Variants in WIPF3 observed in about 807,000 individuals in gnomAD.
WIPF3 encodes WAS/WASL-interacting protein family member 3.
Under a neutral mutation model 38.9 loss-of-function variants are expected in WIPF3, and 33 were observed. That is an observed-to-expected ratio of 0.85 (90% CI 0.64 to 1.14). The LOEUF is 1.14. Among genes scored for constraint, WIPF3 ranks in the 50% most tolerant of loss-of-function variants. The pLI, the probability that WIPF3 is intolerant of heterozygous loss-of-function variation, is 0.00. For synonymous variants in WIPF3, 324 were observed against 269.3 expected, an observed-to-expected ratio of 1.20 and a Z score of -1.99; for missense variants, 711 against 652.5, an observed-to-expected ratio of 1.09 and a Z score of -0.98.
chr7:29,817,344 A>G (rs1784471473), intron 1 of WIPF3, among the ~76,000 whole-genome samples: 1 of 152,036 alleles, frequency 6.6e-6, no homozygotes, highest in South Asian at 2.1e-4. Flanking sequence ...GCTTTATTTA[A>G]TGTGGTTTTA....
At chr7:29,874,621 G>A (rs940725422) in intron 2 of WIPF3, among the ~76,000 whole-genome samples, 2 of 152,136 alleles carry the variant, frequency 1.3e-5, no homozygotes, top group African/African-American at 2.4e-5. Context: ...CTAAGGTCAC[G>A]TGGCTGGTAT....
chr7:29,867,035 A>C (rs1785399516), intron 2 of WIPF3, among the ~76,000 whole-genome samples: 4 of 152,252 alleles, frequency 2.6e-5, no homozygotes, highest in Admixed American at 1.3e-4. Context: ...ACATTATAGA[A>C]TTGTTCAGGG....
chr7:29,858,295 T>A (rs1183972698), intron 2 of WIPF3, among the ~76,000 whole-genome samples: 1 of 152,152 alleles, frequency 6.6e-6, no homozygotes, highest in African/African-American at 2.4e-5. Flanking sequence ...CACCCCACCC[T>A]CAACAAGGCT....
chr7:29,875,928 G>A lies in WIPF3; in HGVS notation c.189G>A (p.Thr63=), dbSNP rs1371264599. ...IQQGTRLRKV[T]QINDRSAPQI... ...AAGGAACTCGCCTGCGCAAAGTCAC[G>A]CAGATCAACGACCGCAGTGCCCCGC... Residue 63 remains threonine, a synonymous_variant, in exon 3 of 9, where the codon ACG becomes ACA. Transcript: ENST00000242140. 10 of 1,613,928 alleles carry A rather than the reference G, an allele frequency of 6.2e-6. No individual in the cohort carries two copies. The highest frequency in any genetic ancestry group is 1.3e-5 in the African/African-American group (1 of 74,950).
At chr7:29,872,849 G>T in intron 2 of WIPF3, among the ~76,000 whole-genome samples, 1 of 147,490 alleles carries the variant, frequency 6.8e-6, no homozygotes, top group African/African-American at 2.5e-5. Flanking sequence ...GACCTCTAGC[G>T]GGAGATCATC....
At chr7:29,845,297 A>G (rs904509894) in intron 2 of WIPF3, among the ~76,000 whole-genome samples, 1 of 152,206 alleles carries the variant, frequency 6.6e-6, no homozygotes, top group African/African-American at 2.4e-5. Flanking sequence ...AGTGCGGGGC[A>G]CATAGTGAGG....
rs1432816352 is a variant in WIPF3 at position 29,891,111 on chromosome 7, A to G, written c.1351+1704A>G. On this transcript the variant is annotated intron_variant, in intron 7 of 8. Coordinates refer to ENST00000242140, the MANE Select transcript of WIPF3 (RefSeq NM_001080529.3). The stretch of plus-strand genomic sequence containing the variant: ...TTCCCTGTGCTCAGGTCGGGGGAAC[A>G]CGGGCCTGCCCTGTGCTCAGGTGGA... 2.1e-4 allele frequency among the ~76,000 whole-genome samples: 16 copies of G among 77,258 alleles called. 1 individual carries two copies. The highest frequency in any genetic ancestry group is 7.8e-4 in the African/African-American group (15 of 19,144). The allele number at this position is 77,258 out of a possible 152,430, so 50.7% of individuals were successfully genotyped here.
intron 2 of WIPF3, among the ~76,000 whole-genome samples, chr7:29,858,464 C>A (rs1486181373): frequency 6.6e-6 from 1 of 152,204 alleles, no homozygotes; most frequent in Non-Finnish European, 1.5e-5. Context: ...CCTCAATCAG[C>A]AGGCCTAATT....
chr7:29,808,289 G>A (rs1198369011), intron 1 of WIPF3, among the ~76,000 whole-genome samples: 1 of 152,220 alleles, frequency 6.6e-6, no homozygotes, highest in East Asian at 1.9e-4. Flanking sequence ...AAAAGAAGTG[G>A]CGAGGAGGGG....
intron 2 of WIPF3, among the ~76,000 whole-genome samples, chr7:29,838,448 T>G (rs1048731159): frequency 2.0e-5 from 3 of 152,156 alleles, no homozygotes; most frequent in Admixed American, 6.5e-5. Context: ...AATGAAAGTA[T>G]TACTTGTAAT....
At chr7:29,890,484 T>C (rs1217826845) in intron 7 of WIPF3, among the ~76,000 whole-genome samples, 1 of 152,022 alleles carries the variant, frequency 6.6e-6, no homozygotes, top group East Asian at 1.9e-4. Flanking sequence ...GTCAAATGCG[T>C]TCCCACCCGA....
chr7:29,888,831 A>G (rs1785946708), intron 6 of WIPF3, among the ~76,000 whole-genome samples: 2 of 152,136 alleles, frequency 1.3e-5, no homozygotes, highest in Non-Finnish European at 2.9e-5. Flanking sequence ...TGTGGAGCTC[A>G]GGTCCCACCC....
chr7:29,843,745 C>T (rs1340024698), intron 2 of WIPF3, among the ~76,000 whole-genome samples: 1 of 152,168 alleles, frequency 6.6e-6, no homozygotes, highest in Non-Finnish European at 1.5e-5. Flanking sequence ...ATCTTTGGAG[C>T]CACTTACTTC....
chr7:29,861,588 A>C (rs1376969160), intron 2 of WIPF3, among the ~76,000 whole-genome samples: 1 of 152,002 alleles, frequency 6.6e-6, no homozygotes, highest in Non-Finnish European at 1.5e-5. Flanking sequence ...TTGCTTGTTT[A>C]TTGTTTCTTT....
intron 8 of WIPF3, among the ~76,000 whole-genome samples, chr7:29,909,541 G>A (rs4722961): frequency 0.66 from 101,001 of 152,022 alleles, 34,686 homozygotes; most frequent in East Asian, 0.88. Context: ...AAAGTTGGAT[G>A]ACCTAGATGA....
Position 29,914,201 on chromosome 7 carries a change from T to A in WIPF3, c.1429-292T>A, listed in dbSNP as rs1562793915. Among the ~76,000 whole-genome samples the A allele has an allele frequency of 2.6e-5, 4 of 152,342 alleles. No individual in the cohort carries two copies. In the East Asian group the frequency reaches 7.7e-4, roughly 29 times the overall value. ...CTTGGGGTCTCCAGCACGTTTTTTT[T>A]ATTTCTCTGAGCTTCCTGTCAAGTG... On this transcript the variant is annotated intron_variant, in intron 8 of 8. Coordinates refer to ENST00000242140, the MANE Select transcript of WIPF3 (RefSeq NM_001080529.3).
At chr7:29,828,610 C>A (rs1190006814) in intron 1 of WIPF3, among the ~76,000 whole-genome samples, 1 of 152,192 alleles carries the variant, frequency 6.6e-6, no homozygotes, top group African/African-American at 2.4e-5. Flanking sequence ...GGGTTCTGGC[C>A]AATACTGGGC....
At chr7:29,842,781 G>A (rs886694) in intron 2 of WIPF3, among the ~76,000 whole-genome samples, 26,241 of 152,080 alleles carry the variant, frequency 0.17, 2,448 homozygotes, top group African/African-American at 0.2. Flanking sequence ...GCAGAGGGTC[G>A]CTAGGTGGAA....
At chr7:29,838,016 T>C (rs903798925) in intron 2 of WIPF3, among the ~76,000 whole-genome samples, 3 of 152,216 alleles carry the variant, frequency 2.0e-5, no homozygotes, top group African/African-American at 7.2e-5. Flanking sequence ...CCTCCCAGGT[T>C]CACACCATTC....
Sources: allele counts gnomAD v4.1 joint callset (sites outside exome capture counted in the v4.1 genomes callset), GRCh38; gene constraint gnomAD v4.1.1; transcripts MANE v1.5; gene names NCBI Gene and HGNC (gene_info 2026-07-23, HGNC 2026-07-21).